The following KLHL14 variants were observed in gnomAD, a reference collection of about 807,000 sequenced individuals.
The protein encoded by KLHL14 is kelch-like protein 14.
In KLHL14, 22 loss-of-function variants were observed where a neutral mutation model predicts 64.3. The ratio of observed to expected loss-of-function variants is 0.34; its 90% CI spans 0.24 to 0.49. The LOEUF is 0.49. KLHL14 is among the 20% of genes least tolerant of loss of function. KLHL14 has a pLI of 0.99. For synonymous variants in KLHL14, 322 were observed against 333.4 expected, an observed-to-expected ratio of 0.97 and a Z score of 0.37; for missense variants, 661 against 789.0, an observed-to-expected ratio of 0.84 and a Z score of 1.94.
rs1400930314 is a variant in KLHL14 at position 32,678,432 on chromosome 18, C to A, written c.1589-1102G>T. On this transcript the variant is annotated intron_variant, in intron 7 of 8. Transcript: ENST00000359358. ...GACAGGTTATTTCGGTTACTAACTT[C>A]CTACAGAAAATAAATCCCATAGATG... Among the ~76,000 whole-genome samples, 5 of 152,186 alleles carry A rather than the reference C, an allele frequency of 3.3e-5. No individual in the cohort carries two copies. In the East Asian group the frequency reaches 9.7e-4, roughly 29 times the overall value.
At chr18:32,696,867 A>AT (rs2049939494) in intron 3 of KLHL14, among the ~76,000 whole-genome samples, 1 of 152,216 alleles carries the variant, frequency 6.6e-6, no homozygotes, top group African/African-American at 2.4e-5. Flanking sequence ...ACAGCCTCTG[A>AT]AAGAGCAAAT....
intron 3 of KLHL14, among the ~76,000 whole-genome samples, chr18:32,712,568 T>C (rs965684737): frequency 6.6e-6 from 1 of 152,180 alleles, no homozygotes; most frequent in Non-Finnish European, 1.5e-5. Flanking sequence ...ATGAGATCTC[T>C]CCTATCAGCA....
Position 32,695,463 on chromosome 18 carries a change from C to G in KLHL14, c.1159G>C (p.Gly387Arg). ...LGGEDQWNPNGKHSTNFVSRY... is the reference protein window; with the variant it reads ...LGGEDQWNPNRKHSTNFVSRY... ...TCCAATTAAGTTGTTCAATAGTTAC[C>G]ATTCGGATTCCACTGGTCCTCTCCA... Residue 387 changes from glycine to arginine, a missense_variant and splice_region_variant, in exon 4 of 9, where the codon GGA becomes CGA. Coordinates refer to ENST00000359358, the MANE Select transcript of KLHL14 (RefSeq NM_020805.3). The G allele has an allele frequency of 6.3e-7, 1 of 1,599,994 alleles. No individual in the cohort carries two copies. Among genetic ancestry groups the G allele is most frequent in the Non-Finnish European group, 8.6e-7 (1 of 1,167,494 alleles).
chr18:32,734,884 CTG>C (rs34494954), intron 3 of KLHL14, among the ~76,000 whole-genome samples: 14 of 150,666 alleles, frequency 9.3e-5, no homozygotes, highest in Non-Finnish European at 1.2e-4. Context: ...AGATGTTACT[CTG>C]TGTGTGTGTG....
intron 3 of KLHL14, among the ~76,000 whole-genome samples, chr18:32,722,110 C>T (rs540970710): frequency 1.4e-4 from 22 of 152,174 alleles, no homozygotes; most frequent in Non-Finnish European, 2.2e-4. Context: ...CCATATAAAA[C>T]GTGACTTGCT....
chr18:32,677,719 T>G (rs767080988), intron 7 of KLHL14, among the ~76,000 whole-genome samples: 3 of 152,206 alleles, frequency 2.0e-5, no homozygotes, highest in Non-Finnish European at 4.4e-5. Flanking sequence ...AATGAACTCA[T>G]TCAATCCCTT....
intron 2 of KLHL14, among the ~76,000 whole-genome samples, chr18:32,756,506 T>C (rs2050282790): frequency 6.6e-6 from 1 of 152,190 alleles, no homozygotes; most frequent in Non-Finnish European, 1.5e-5. Context: ...GAATGACTGT[T>C]TTCCTGGAAG....
intron 5 of KLHL14, among the ~76,000 whole-genome samples, chr18:32,684,358 T>G (rs1338709624): frequency 6.6e-6 from 1 of 152,200 alleles, no homozygotes; most frequent in East Asian, 1.9e-4. Context: ...TGTTCTGCAC[T>G]TTTTCTCTAT....
intron 3 of KLHL14, among the ~76,000 whole-genome samples, chr18:32,715,340 T>A (rs558810631): frequency 2.0e-4 from 30 of 152,284 alleles, no homozygotes; most frequent in African/African-American, 7.0e-4. Context: ...TCTTTGAGTT[T>A]CAGGGAATAA....
chr18:32,740,681 G>T (rs2050191585), intron 3 of KLHL14: 1 of 152,166 alleles, frequency 6.6e-6, no homozygotes, highest in African/African-American at 2.4e-5. Context: ...TGGTATTTTT[G>T]TCAAAAGAGA....
chr18:32,749,841 C>A (rs541669670), intron 2 of KLHL14, among the ~76,000 whole-genome samples: 61 of 152,084 alleles, frequency 4.0e-4, no homozygotes, highest in African/African-American at 1.4e-3. Context: ...TCCAGGGACT[C>A]ACAGACATGA....
chr18:32,726,698 C>A (rs968984995), intron 3 of KLHL14, among the ~76,000 whole-genome samples: 13 of 151,350 alleles, frequency 8.6e-5, no homozygotes, highest in South Asian at 4.2e-4. Flanking sequence ...ATTGGCATAG[C>A]AATTATTTAT....
At chr18:32,746,407 G>C (rs1172671066) in intron 2 of KLHL14, among the ~76,000 whole-genome samples, 2 of 152,192 alleles carry the variant, frequency 1.3e-5, no homozygotes, top group Admixed American at 6.5e-5. Context: ...GTGAGTGCTG[G>C]CGTGCATACA....
chr18:32,734,344 T>C, intron 3 of KLHL14: 1 of 671,292 alleles, frequency 1.5e-6, no homozygotes, highest in Non-Finnish European at 2.7e-6. Flanking sequence ...CATGTCAAGA[T>C]GGAGCCCCCA....
rs1451979895 is a variant in KLHL14, at chr18:32,673,200, A to G, written c.*1457T>C. 2.9e-4 allele frequency: 44 copies of G among 152,620 alleles called. No homozygotes were observed. Among genetic ancestry groups the G allele is most frequent in the Admixed American group, 2.9e-3 (44 of 15,272 alleles). 9.5% of individuals were successfully genotyped at this position (152,620 alleles called of 1,614,324 possible). A position where few individuals can be genotyped will look rare whatever the true frequency, so the allele number is the denominator to read the frequency against. On this transcript the variant is annotated 3_prime_UTR_variant, in exon 9 of 9. Transcript: ENST00000359358. ...TAGAAACGGCATCGGATTCCAGTATACCCATTTATCTTGACGTGCTCTGCC... is the reference window on the plus strand; with the variant it reads ...TAGAAACGGCATCGGATTCCAGTATGCCCATTTATCTTGACGTGCTCTGCC...
At position 32,731,947 on chromosome 18, in the gene KLHL14, G is replaced by A. The variant is rs184525350; in HGVS notation, c.1069+9981C>T. ...TTAATATAAATGGTTTTGGCTGAGC[G>A]CGGTGGCTTACACCTGTAATCCCAG... On this transcript the variant is annotated intron_variant, in intron 3 of 8. Coordinates refer to ENST00000359358, the MANE Select transcript of KLHL14 (RefSeq NM_020805.3). Among the ~76,000 whole-genome samples the A allele has an allele frequency of 8.5e-5, 13 of 152,206 alleles. No homozygotes were observed. In the East Asian group the frequency reaches 1.2e-3, roughly 14 times the overall value.
In KLHL14 at chr18:32,741,917, A is replaced by G. The variant is rs2050200608; in HGVS notation, c.1069+11T>C. ...TAGGTGAGTGAATAAATAAATAAAT[A>G]ATGCACTCACTTGTGAGTATTTTCC... On this transcript the variant is annotated intron_variant, in intron 3 of 8. Transcript: ENST00000359358. 1 of 1,570,118 alleles carries G rather than the reference A, an allele frequency of 6.4e-7. No individual in the cohort carries two copies. The highest frequency in any genetic ancestry group is 8.6e-7 in the Non-Finnish European group (1 of 1,163,332).
intron 2 of KLHL14, among the ~76,000 whole-genome samples, chr18:32,766,368 T>C (rs552006864): frequency 6.6e-6 from 1 of 152,188 alleles, no homozygotes; most frequent in African/African-American, 2.4e-5. Context: ...AAACACTGCA[T>C]ATCATGTCGC....
chr18:32,714,799 C>T (rs1406712465), intron 3 of KLHL14, among the ~76,000 whole-genome samples: 1 of 151,916 alleles, frequency 6.6e-6, no homozygotes, highest in Non-Finnish European at 1.5e-5. Flanking sequence ...TGCTCAGGTA[C>T]AGGACTCCAA....
Sources: allele counts gnomAD v4.1 joint callset (sites outside exome capture counted in the v4.1 genomes callset), GRCh38; gene constraint gnomAD v4.1.1; transcripts MANE v1.5; gene names NCBI Gene and HGNC (gene_info 2026-07-23, HGNC 2026-07-21).